Variants in MYO5C observed in about 807,000 individuals in gnomAD.
MYO5C encodes the protein myosin VC, also known as unconventional myosin-Vc.
A neutral mutation model predicts 235.7 loss-of-function variants in MYO5C; 194 were observed. The observed-to-expected ratio is 0.82, with a 90% confidence interval of 0.73 to 0.93. The LOEUF (loss-of-function observed/expected upper bound fraction) is 0.93. MYO5C is among the 40% of genes least tolerant of loss of function. The probability of loss-of-function intolerance (pLI) is 0.00; values close to 1 mark genes in which losing one functional copy is unlikely to be tolerated. For missense variants in MYO5C, 2,038 were observed against 2,127.2 expected (o/e 0.96, Z 0.82); for synonymous variants, 707 against 754.8 (o/e 0.94, Z 1.04).
In MYO5C at chr15:52,248,787, T is replaced by C. The variant is rs767596557; in HGVS notation, c.1663-4A>G. 22 of 1,604,216 alleles carry C rather than the reference T, an allele frequency of 1.4e-5. No homozygotes were observed. The highest frequency in any genetic ancestry group is 1.9e-5 in the Non-Finnish European group (22 of 1,171,464). On this transcript the variant is annotated splice_polypyrimidine_tract_variant and splice_region_variant and intron_variant, in intron 13 of 40. Transcript: ENST00000261839. ...AACCTTCACATTTATACTCTACCTATACAGAGAAAGCAATTAATTATTCCC... is the reference window on the plus strand; with the variant it reads ...AACCTTCACATTTATACTCTACCTACACAGAGAAAGCAATTAATTATTCCC...
intron 10 of MYO5C, among the ~76,000 whole-genome samples, chr15:52,258,415 C>G (rs931645368): frequency 1.3e-5 from 2 of 152,094 alleles, no homozygotes; most frequent in Non-Finnish European, 2.9e-5. Context: ...GGGGTCTGAC[C>G]CCCAGACCCA....
chr15:52,233,734 A>G (rs1311770664), intron 23 of MYO5C, among the ~76,000 whole-genome samples: 2 of 152,204 alleles, frequency 1.3e-5, no homozygotes, highest in African/African-American at 4.8e-5. Flanking sequence ...ACAACCCCAC[A>G]TTCCCAACAC....
chr15:52,272,591 C>T lies in MYO5C; in HGVS notation c.739G>A (p.Val247Ile). The T allele has an allele frequency of 6.2e-7, 1 of 1,611,280 alleles. No homozygotes were observed. The highest frequency in any genetic ancestry group is 8.5e-7 in the Non-Finnish European group (1 of 1,179,306). Residue 247 changes from valine to isoleucine, a missense_variant, in exon 6 of 41, where the codon GTT becomes ATT. By Grantham distance (29) the Val-to-Ile change is conservative (BLOSUM62 3). Coordinates refer to ENST00000261839, the MANE Select transcript of MYO5C (RefSeq NM_018728.4). ...MSTYLLEKSR[V>I]VFQSENERNY... ...AATTTAATACTTACTTGAAAGACAA[C>T]TCTGGATTTCTCCAGGAGGTAAGTG...
chr15:52,290,176 A>G (rs751300174), intron 1 of MYO5C, among the ~76,000 whole-genome samples: 17 of 152,064 alleles, frequency 1.1e-4, no homozygotes, highest in Admixed American at 2.0e-4. Context: ...TTGGAATCCA[A>G]TGCAAAGGCT....
At chr15:52,228,501 C>A (rs1452695684) in intron 25 of MYO5C, among the ~76,000 whole-genome samples, 1 of 152,116 alleles carries the variant, frequency 6.6e-6, no homozygotes, top group Non-Finnish European at 1.5e-5. Context: ...ATTTTTCCTT[C>A]TCAGCTTTAT....
chr15:52,217,497 G>A (rs894784393), intron 32 of MYO5C, among the ~76,000 whole-genome samples: 4 of 152,210 alleles, frequency 2.6e-5, no homozygotes, highest in African/African-American at 7.2e-5. Context: ...GGGGCCCACA[G>A]GAGGCAAGGC....
chr15:52,204,838 G>A (rs528223964), intron 38 of MYO5C, 27 bp downstream of exon 38: 10 of 1,607,828 alleles, frequency 6.2e-6, no homozygotes, highest in African/African-American at 4.0e-5. Context: ...AGGCCTCTCC[G>A]CGTGAGCGGA....
chr15:52,253,515 G>A, intron 11 of MYO5C, 58 bp from the exon 12 acceptor site: 2 of 1,497,926 alleles, frequency 1.3e-6, no homozygotes, highest in Non-Finnish European at 1.8e-6. Flanking sequence ...CGTTTCCAAA[G>A]AGCAGGATGT....
At chr15:52,214,728 G>T in intron 32 of MYO5C, 38 bp from the exon 33 acceptor site, 1 of 1,385,888 alleles carries the variant, frequency 7.2e-7, no homozygotes. Flanking sequence ...TAGCTTAGAA[G>T]CACTTTAATC....
chr15:52,256,605 G>T, intron 11 of MYO5C, 34 bp downstream of exon 11: 1 of 1,565,588 alleles, frequency 6.4e-7, no homozygotes, highest in Non-Finnish European at 8.7e-7. Context: ...GCGCGCGGCT[G>T]AGAACTAGTC....
intron 5 of MYO5C, among the ~76,000 whole-genome samples, chr15:52,274,467 T>C (rs1361432918): frequency 6.6e-6 from 1 of 152,060 alleles, no homozygotes; most frequent in Non-Finnish European, 1.5e-5. Context: ...TTGGTAGAGA[T>C]GGGGTTTCAT....
chr15:52,283,056 T>G (rs2037193432), intron 1 of MYO5C, among the ~76,000 whole-genome samples, 164 bp from the exon 2 acceptor site: 1 of 152,208 alleles, frequency 6.6e-6, no homozygotes, highest in Non-Finnish European at 1.5e-5. Flanking sequence ...GCATCTGTGA[T>G]GCACCAGGCC....
At chr15:52,206,693 C>G (rs1245387610) in intron 36 of MYO5C, among the ~76,000 whole-genome samples, 1 of 152,198 alleles carries the variant, frequency 6.6e-6, no homozygotes, top group Non-Finnish European at 1.5e-5. Context: ...ACCCTGATCT[C>G]AGATGTTTAG....
rs752727095 is a variant in MYO5C at position 52,218,545 on chromosome 15, C to T, written c.3928G>A (p.Ala1310Thr). The part of the protein sequence containing the change: ...SEVKCNFRQE[A>T]SRLTLENRDL... ...CTGTTTTCCAAAGTGAGCCGGGATG[C>T]TTCCTGCCGGAAGTTACACTTGACT... is the stretch of plus-strand genomic sequence containing the variant. Residue 1310 changes from alanine to threonine, a missense_variant, in exon 32 of 41, where the codon GCA (alanine) becomes ACA (threonine). Ala to Thr is a moderately conservative substitution (Grantham distance 58). Transcript: ENST00000261839. 1 of 1,614,224 alleles carries T rather than the reference C, an allele frequency of 6.2e-7. No homozygotes were observed. The highest frequency in any genetic ancestry group is 1.7e-5 in the Admixed American group (1 of 60,030).
At chr15:52,199,275 G>C (rs1176061906) in intron 38 of MYO5C, among the ~76,000 whole-genome samples, 1 of 152,138 alleles carries the variant, frequency 6.6e-6, no homozygotes, top group Non-Finnish European at 1.5e-5. Flanking sequence ...TACTGCCACA[G>C]TCCTTTCTAA....
chr15:52,271,585 T>C (rs1026530927), intron 7 of MYO5C, among the ~76,000 whole-genome samples, 178 bp downstream of exon 7: 1 of 151,240 alleles, frequency 6.6e-6, no homozygotes, highest in African/African-American at 2.4e-5. Flanking sequence ...TCTAAACTCA[T>C]CCCCCCGGCC....
At chr15:52,283,344 G>C (rs1328770043) in intron 1 of MYO5C, among the ~76,000 whole-genome samples, 1 of 152,172 alleles carries the variant, frequency 6.6e-6, no homozygotes, top group African/African-American at 2.4e-5. Context: ...ATTAGACTTT[G>C]TACTTGAAAG....
In MYO5C at chr15:52,205,946, A is replaced by T. The variant is rs752644489; in HGVS notation, c.4407T>A (p.Ser1469Arg). Residue 1469 changes from serine (S) to arginine (R), a missense_variant, in exon 37 of 41, where the codon AGT becomes AGA. Coordinates refer to ENST00000261839, the MANE Select transcript of MYO5C (RefSeq NM_018728.4). ...TCAAGCAATTCTTATTCTGCTGTGG[A>T]CTATTATGCTTCATGAATTCCTAAA... ...SGEEEFMKHN[S>R]PQQNKNCLNN... 1.3e-6 allele frequency: 2 copies of T among 1,573,890 alleles called. No individual in the cohort carries two copies. Among genetic ancestry groups the T allele is most frequent in the South Asian group, 2.4e-5 (2 of 83,934 alleles).
At chr15:52,219,882 G>A in intron 30 of MYO5C, 60 bp from the exon 31 acceptor site, 5 of 1,372,582 alleles carry the variant, frequency 3.6e-6, no homozygotes, top group Non-Finnish European at 4.1e-6. Flanking sequence ...TTCTGATTTG[G>A]GTTTGGTATT....
Sources: gnomAD v4.1 joint callset for allele counts (sites outside exome capture counted in the v4.1 genomes callset) on GRCh38, gnomAD v4.1.1 for gene constraint, MANE v1.5 for transcripts, NCBI Gene and HGNC (gene_info 2026-07-23, HGNC 2026-07-21) for gene names.